BPHL: variants seen among roughly 807,000 people sequenced by gnomAD.
BPHL encodes the protein biphenyl hydrolase like.
Under a neutral mutation model 31.2 loss-of-function variants are expected in BPHL, and 27 were observed. That is an observed-to-expected ratio of 0.87 (90% CI 0.64 to 1.19). The LOEUF (loss-of-function observed/expected upper bound fraction) is 1.19, where lower values mean the gene tolerates loss of function less well. Among genes scored for constraint, BPHL ranks in the 50% most tolerant of loss-of-function variants. The probability of loss-of-function intolerance (pLI) is 0.00; values close to 1 mark genes in which losing one functional copy is unlikely to be tolerated. For missense variants in BPHL, 356 were observed against 375.7 expected (o/e 0.95, Z 0.43); for synonymous variants, 150 against 146.8 (o/e 1.02, Z -0.16).
chr6:3,119,215 A>T (rs771497807), intron 1 of BPHL: 2 of 1,376,006 alleles, frequency 1.5e-6, no homozygotes, highest in Non-Finnish European at 2.0e-6. Context: ...CGCCCTCATT[A>T]GTCCATTGCT....
At chr6:3,137,036 C>G (rs1444720312) in intron 4 of BPHL, among the ~76,000 whole-genome samples, 1 of 152,124 alleles carries the variant, frequency 6.6e-6, no homozygotes, top group East Asian at 1.9e-4. Context: ...GTAAGTGCAG[C>G]TCTAATTTCA....
At chr6:3,152,007 GA>G (rs1300188694) in intron 6 of BPHL, among the ~76,000 whole-genome samples, 1 of 152,208 alleles carries the variant, frequency 6.6e-6, no homozygotes, top group African/African-American at 2.4e-5. Context: ...GCAGGCTGGG[GA>G]TGGCTGTGAA....
In BPHL at chr6:3,123,709, C is replaced by G; in HGVS notation, c.160C>G (p.Gln54Glu). 1 of 1,613,776 alleles carries G rather than the reference C, an allele frequency of 6.2e-7. No individual in the cohort carries two copies. Among genetic ancestry groups the G allele is most frequent in the Non-Finnish European group, 8.5e-7 (1 of 1,179,836 alleles). ...VAVNGVQLHY[Q>E]QTGEGDHAVL... ...TGTGAATGGCGTTCAGCTGCATTAC[C>G]AGCAGACTGGAGAGGGAGATCACGC... The change falls in exon 2 of 7, where the codon CAG becomes GAG. Residue 54 changes from glutamine (Q) to glutamate (E), a missense_variant. Coordinates refer to ENST00000380379, the MANE Select transcript of BPHL (RefSeq NM_004332.4).
At chr6:3,146,129 CG>C (rs1762344034) in intron 6 of BPHL, among the ~76,000 whole-genome samples, 1 of 12,810 alleles carries the variant, frequency 7.8e-5, no homozygotes, top group Non-Finnish European at 1.4e-4. Context: ...TGGTTCGGGT[CG>C]GAGTGCTGGT....
intron 6 of BPHL, among the ~76,000 whole-genome samples, chr6:3,144,210 G>A (rs1375371523): frequency 2.0e-5 from 3 of 152,100 alleles, no homozygotes; most frequent in Non-Finnish European, 2.9e-5. Flanking sequence ...TGGGACTACA[G>A]GCGCCCACCA....
chr6:3,148,638 T>C, intron 6 of BPHL, among the ~76,000 whole-genome samples: 1 of 152,196 alleles, frequency 6.6e-6, no homozygotes, highest in South Asian at 2.1e-4. Flanking sequence ...TCTTCCCAGG[T>C]GCTGCTTTCA....
Position 3,152,489 on chromosome 6 carries a change from C to T in BPHL, c.790C>T (p.Leu264=). 1.2e-6 allele frequency: 2 copies of T among 1,612,660 alleles called. No homozygotes were observed. The highest frequency in any genetic ancestry group is 1.7e-6 in the Non-Finnish European group (2 of 1,179,316). Reference sequence around the variant, plus strand: ...AAGTATTTTTAATTCCTTTTTTAGGCTGCATTTGATGCCAGAAGGCAAACA... The same window carrying T: ...AAGTATTTTTAATTCCTTTTTTAGGTTGCATTTGATGCCAGAAGGCAAACA... ...FIHKHVKGSR[L]HLMPEGKHNL... is the part of the protein sequence containing the mutation. The change falls in exon 7 of 7, where the codon CTG becomes TTG. Residue 264 remains leucine (L), a splice_region_variant and synonymous_variant. Coordinates refer to ENST00000380379, the MANE Select transcript of BPHL (RefSeq NM_004332.4).
intron 6 of BPHL, among the ~76,000 whole-genome samples, chr6:3,145,769 C>T (rs1369169251): frequency 2.7e-5 from 1 of 37,608 alleles, no homozygotes; most frequent in African/African-American, 1.1e-4. Context: ...AGTGCTGGTT[C>T]AGGTTGGAGT....
intron 6 of BPHL, among the ~76,000 whole-genome samples, chr6:3,151,246 C>A (rs966329748): frequency 2.6e-5 from 4 of 152,186 alleles, no homozygotes; most frequent in Admixed American, 2.0e-4. Context: ...AAAACAAAGG[C>A]CTTGAGTGTC....
At chr6:3,148,126 A>T (rs931223608) in intron 6 of BPHL, among the ~76,000 whole-genome samples, 3 of 152,248 alleles carry the variant, frequency 2.0e-5, no homozygotes, top group African/African-American at 7.2e-5. Context: ...AAGTTGACAC[A>T]AAGTGTACAG....
rs1408627415 is a variant in BPHL, at chr6:3,140,024, GA to G, written c.665-358del. 6 of 229,566 alleles carry G rather than the reference GA, an allele frequency of 2.6e-5. No homozygotes were observed. Among genetic ancestry groups the G allele is most frequent in the African/African-American group, 1.1e-4 (5 of 43,638 alleles). 14.2% of individuals were successfully genotyped at this position (229,566 alleles called of 1,614,324 possible). A position where few individuals can be genotyped will look rare whatever the true frequency, so the allele number is the denominator to read the frequency against. Reference sequence around the variant, plus strand: ...ACTCATCTGAAACGTGATTTCCAGGGAAAAGCTCTACAGGTGTCAAGCACCT... The same window carrying G: ...ACTCATCTGAAACGTGATTTCCAGGGAAAGCTCTACAGGTGTCAAGCACCT... On this transcript the variant is annotated intron_variant, in intron 5 of 6. Coordinates refer to ENST00000380379, the MANE Select transcript of BPHL (RefSeq NM_004332.4). The surrounding 1 kb of genome is among the most constrained non-coding windows in gnomAD (Gnocchi z 5.2).
chr6:3,150,944 G>A (rs1456355490), intron 6 of BPHL, among the ~76,000 whole-genome samples: 2 of 152,126 alleles, frequency 1.3e-5, no homozygotes, highest in Admixed American at 6.5e-5. Context: ...TTTAATGAAG[G>A]GAACCTCATT....
chr6:3,126,360 T>C (rs1490445682), intron 2 of BPHL, among the ~76,000 whole-genome samples: 1 of 152,224 alleles, frequency 6.6e-6, no homozygotes, highest in African/African-American at 2.4e-5. Flanking sequence ...GTGTAAGTCA[T>C]TGTTTTAAGA....
intron 5 of BPHL, chr6:3,138,286 G>T: frequency 4.4e-6 from 1 of 227,752 alleles, no homozygotes; most frequent in South Asian, 4.7e-5. Context: ...CCCAATTGCT[G>T]GGATTACAGG....
chr6:3,119,348 C>A, intron 1 of BPHL: 1 of 1,560,854 alleles, frequency 6.4e-7, no homozygotes, highest in Non-Finnish European at 8.7e-7. Context: ...CCTAAGTCTT[C>A]TCTTTGCTTG....
chr6:3,134,645 A>G (rs971200198), intron 4 of BPHL, among the ~76,000 whole-genome samples: 1 of 132,790 alleles, frequency 7.5e-6, no homozygotes, highest in African/African-American at 3.0e-5. Flanking sequence ...TCGCTCTGTC[A>G]CCCAGGCTGC....
At chr6:3,119,497 T>G (rs768172964) in intron 1 of BPHL, 10 of 1,614,008 alleles carry the variant, frequency 6.2e-6, no homozygotes, top group Non-Finnish European at 8.5e-6. Context: ...TCCTCCCACC[T>G]GTCCCCCCAT....
chr6:3,140,121 A>C lies in BPHL; in HGVS notation c.665-265A>C. On this transcript the variant is annotated intron_variant, in intron 5 of 6. Coordinates refer to ENST00000380379, the MANE Select transcript of BPHL (RefSeq NM_004332.4). This position sits in a 1 kb window ranked among gnomAD's most constrained non-coding sequence, Gnocchi z 5.2. ...GGGGTGTTTATTTGATTTTCCTACT[A>C]TTTTATGCGAATTTAAATCAGGCTG... 2.1e-6 allele frequency: 1 copy of C among 470,706 alleles called. No homozygotes were observed. The highest frequency in any genetic ancestry group is 3.8e-6 in the Non-Finnish European group (1 of 262,784). 29.2% of individuals were successfully genotyped at this position (470,706 alleles called of 1,614,324 possible). A position where few individuals can be genotyped will look rare whatever the true frequency, so the allele number is the denominator to read the frequency against.
intron 6 of BPHL, among the ~76,000 whole-genome samples, chr6:3,146,208 C>T (rs1762350886): frequency 1.9e-5 from 1 of 51,636 alleles, no homozygotes; most frequent in South Asian, 5.6e-4. Context: ...GGGTGGAGTG[C>T]TGGTGTGGGT....
Sources: gnomAD v4.1 joint callset for allele counts (sites outside exome capture counted in the v4.1 genomes callset) on GRCh38, gnomAD v4.1.1 for gene constraint, Gnocchi (gnomAD v3.1) non-coding constraint, MANE v1.5 for transcripts, NCBI Gene and HGNC (gene_info 2026-07-23, HGNC 2026-07-21) for gene names.